Variants in SRF observed in about 807,000 individuals in gnomAD.
SRF encodes c-fos serum response element-binding transcription factor.
In SRF, 7 loss-of-function variants were observed where a neutral mutation model predicts 37.1. The ratio of observed to expected loss-of-function variants is 0.19; its 90% CI spans 0.11 to 0.35. SRF has a LOEUF of 0.35. Ranked by LOEUF, SRF falls within the 10% of genes least tolerant of loss-of-function variation. SRF has a pLI of 1.00. For missense variants in SRF, 395 were observed against 694.4 expected (o/e 0.57, Z 4.85); for synonymous variants, 285 against 310.1 (o/e 0.92, Z 0.85).
Position 43,176,544 on chromosome 6 carries a change from G to A in SRF, c.1043-4G>A. On this transcript the variant is annotated splice_region_variant and splice_polypyrimidine_tract_variant and intron_variant, in intron 3 of 6. Coordinates refer to ENST00000265354, the MANE Select transcript of SRF (RefSeq NM_003131.4). This position sits in a 1 kb window ranked among gnomAD's most constrained non-coding sequence, Gnocchi z 4.0. ...GAGCACAAATAAGACTCTGTGTCTT[G>A]CAGGTGGGGCAGTGGCCCAGCAGGT... 6.2e-7 allele frequency: 1 copy of A among 1,614,052 alleles called. No homozygotes were observed. The highest frequency in any genetic ancestry group is 8.5e-7 in the Non-Finnish European group (1 of 1,179,964).
At position 43,176,057 on chromosome 6, in the gene SRF, T is replaced by C; in HGVS notation, c.1042+90T>C. 1 of 1,514,724 alleles carries C rather than the reference T, an allele frequency of 6.6e-7. No homozygotes were observed. The highest frequency in any genetic ancestry group is 8.9e-7 in the Non-Finnish European group (1 of 1,127,432). The allele number at this position is 1,514,724 out of a possible 1,614,324, so 93.8% of individuals were successfully genotyped here. A position where few individuals can be genotyped will look rare whatever the true frequency, so the allele number is the denominator to read the frequency against. On this transcript the variant is annotated intron_variant, in intron 3 of 6. Transcript: ENST00000265354. This position sits in a 1 kb window ranked among gnomAD's most constrained non-coding sequence, Gnocchi z 4.0. ...GTTTAGGGCTGGCACCAAGAGAACC[T>C]CTTTCCCTGCTCAGAAGGAAGGTGA...
In SRF at chr6:43,172,283, G is replaced by T. The variant is rs1232191220; in HGVS notation, c.513+114G>T. The stretch of plus-strand genomic sequence containing the variant: ...GAGGTGAGAGGCTGCGAGTCCGCAG[G>T]AGGTGTGTGGGAGGGGATGGCTCCT... On this transcript the variant is annotated intron_variant, in intron 1 of 6. Transcript: ENST00000265354. This position sits in a 1 kb window ranked among gnomAD's most constrained non-coding sequence, Gnocchi z 5.7. The T allele has an allele frequency of 7.5e-6, 11 of 1,474,284 alleles. No homozygotes were observed. The highest frequency in any genetic ancestry group is 9.9e-6 in the Non-Finnish European group (11 of 1,115,316). 91.3% of individuals were successfully genotyped at this position (1,474,284 alleles called of 1,614,324 possible). A position where few individuals can be genotyped will look rare whatever the true frequency, so the allele number is the denominator to read the frequency against.
Position 43,171,731 on chromosome 6 carries a change from C to G in SRF, c.75C>G (p.Thr25=). 1 of 1,203,272 alleles carries G rather than the reference C, an allele frequency of 8.3e-7. No homozygotes were observed. The allele number at this position is 1,203,272 out of a possible 1,614,324, so 74.5% of individuals were successfully genotyped here. A position where few individuals can be genotyped will look rare whatever the true frequency, so the allele number is the denominator to read the frequency against. ...CCCTGGGGGGCAGCCTGAACCGGAC[C>G]CCGACGGGGCGGCCGGGCGGCGGCG... The part of the protein sequence containing the change: ...GSALGGSLNR[T]PTGRPGGGGG... Residue 25 remains threonine (T), a synonymous_variant, in exon 1 of 7, where the codon ACC becomes ACG. Transcript: ENST00000265354. This position sits in a 1 kb window ranked among gnomAD's most constrained non-coding sequence, Gnocchi z 6.5.
chr6:43,172,588 T>C lies in SRF; in HGVS notation c.513+419T>C, dbSNP rs1561999230. ...GGGAGCAAACGAGAAGGTATGGAGG[T>C]GAGGAGGCTGGAGCTGCATGACAAC... On this transcript the variant is annotated intron_variant, in intron 1 of 6. Transcript: ENST00000265354. The surrounding 1 kb of genome is among the most constrained non-coding windows in gnomAD (Gnocchi z 5.7). 1 of 402,508 alleles carries C rather than the reference T, an allele frequency of 2.5e-6. No homozygotes were observed. Among genetic ancestry groups the C allele is most frequent in the Admixed American group, 6.5e-5 (1 of 15,460 alleles). 24.9% of individuals were successfully genotyped at this position (402,508 alleles called of 1,614,324 possible).
rs1772255202 is a variant in SRF at position 43,178,996 on chromosome 6, CT to C, written c.1432-95del. On this transcript the variant is annotated intron_variant, in intron 6 of 6. Transcript: ENST00000265354. The surrounding 1 kb of genome is among the most constrained non-coding windows in gnomAD (Gnocchi z 4.3). ...AATCCCTAGCCTGGAAGCCCATCTG[CT>C]TTTCTGCTCAGGCCTGTGGTTGGCA... 1.9e-6 allele frequency: 3 copies of C among 1,569,770 alleles called. No homozygotes were observed. Among genetic ancestry groups the C allele is most frequent in the East Asian group, 4.5e-5 (2 of 44,588 alleles).
rs773271428 is a variant in SRF, at chr6:43,178,418, C to T, written c.1287C>T (p.Thr429=). The T allele has an allele frequency of 1.2e-5, 20 of 1,614,100 alleles. No homozygotes were observed. The East Asian group carries it at 2.7e-4, about 22-fold the overall frequency. Residue 429 remains threonine, a synonymous_variant, in exon 5 of 7, where the codon ACC becomes ACT. Coordinates refer to ENST00000265354, the MANE Select transcript of SRF (RefSeq NM_003131.4). The surrounding 1 kb of genome is among the most constrained non-coding windows in gnomAD (Gnocchi z 4.3). ...CGGGCCTGGGTGATGGCAGCCTCAC[C>T]GTGCTGAATGCCTTCTCCCAGGCAC... ...PTSGLGDGSL[T]VLNAFSQAPS...
Position 43,172,066 on chromosome 6 carries a change from GTAA to G in SRF, c.411_413del (p.Lys139del), listed in dbSNP as rs1290564677. 1 of 1,610,748 alleles carries G rather than the reference GTAA, an allele frequency of 6.2e-7. No homozygotes were observed. The highest frequency in any genetic ancestry group is 1.3e-5 in the African/African-American group (1 of 74,940). ...GGCGCGGTGAGCGGGGCCAAGCCGG[GTAA>G]GAAGACCCGGGGCCGCGTGAAGATC... On this transcript the variant is annotated inframe_deletion, in exon 1 of 7. Coordinates refer to ENST00000265354, the MANE Select transcript of SRF (RefSeq NM_003131.4). This position sits in a 1 kb window ranked among gnomAD's most constrained non-coding sequence, Gnocchi z 5.7.
Position 43,175,847 on chromosome 6 carries a change from G to T in SRF, c.922G>T (p.Ala308Ser). ...PITNYLAPVS[A>S]SVSPSAVSSA... is the part of the protein sequence containing the mutation. The stretch of plus-strand genomic sequence containing the variant: ...CACCAACTACCTGGCACCAGTGTCT[G>T]CTAGTGTCAGCCCCAGTGCTGTCAG... The change falls in exon 3 of 7, where the codon GCT becomes TCT. Residue 308 changes from alanine to serine, a missense_variant. By Grantham distance (99) the Ala-to-Ser change is moderately conservative. Coordinates refer to ENST00000265354, the MANE Select transcript of SRF (RefSeq NM_003131.4). 6.2e-7 allele frequency: 1 copy of T among 1,614,040 alleles called. No homozygotes were observed. The highest frequency in any genetic ancestry group is 2.2e-5 in the East Asian group (1 of 44,902).
In SRF at chr6:43,172,810, T is replaced by C. The variant is rs991765230; in HGVS notation, c.513+641T>C. Among the ~76,000 whole-genome samples the C allele has an allele frequency of 3.3e-5, 5 of 152,132 alleles. No individual in the cohort carries two copies. The highest frequency in any genetic ancestry group is 9.7e-5 in the African/African-American group (4 of 41,418). On this transcript the variant is annotated intron_variant, in intron 1 of 6. Transcript: ENST00000265354. The surrounding 1 kb of genome is among the most constrained non-coding windows in gnomAD (Gnocchi z 5.7). ...ACCACATGCTCCTGGCAGGACCCGC[T>C]GCAGAATCTCCTGCCGTTAGGACAA...
rs544658252 is a variant in SRF, at chr6:43,177,228, G to GTTTTTTTTTTTTTTTTTTTTTTTTTTTTT, written c.1162+578_1162+579insTTTTTTTTTTTTTTTTTTTTTTTTTTTTT. On this transcript the variant is annotated intron_variant, in intron 4 of 6. Transcript: ENST00000265354. ...CCCCAAACCTAGTGAATCGGAGTCT[G>GTTTTTTTTTTTTTTTTTTTTTTTTTTTTT]TTTTTTTTTTTTTTTTTGAGACGGA... Among the ~76,000 whole-genome samples, 3 of 116,848 alleles carry GTTTTTTTTTTTTTTTTTTTTTTTTTTTTT rather than the reference G, an allele frequency of 2.6e-5. 1 individual carries two copies. Among genetic ancestry groups the GTTTTTTTTTTTTTTTTTTTTTTTTTTTTT allele is most frequent in the African/African-American group, 1.1e-4 (3 of 26,164 alleles). The allele number at this position is 116,848 out of a possible 152,430, so 76.7% of individuals were successfully genotyped here. A position where few individuals can be genotyped will look rare whatever the true frequency, so the allele number is the denominator to read the frequency against.
chr6:43,175,786 C>T lies in SRF; in HGVS notation c.861C>T (p.Thr287=), dbSNP rs746688970. The T allele has an allele frequency of 6.2e-7, 1 of 1,614,242 alleles. No individual in the cohort carries two copies. Among genetic ancestry groups the T allele is most frequent in the Non-Finnish European group, 8.5e-7 (1 of 1,180,048 alleles). ...STIQTAPSTS[T]TMQVSSGPSF... is the part of the protein sequence containing the mutation. Reference sequence around the variant, plus strand: ...TCCAAACAGCACCTAGCACCTCTACCACCATGCAAGTCAGCAGCGGCCCCT... The same window carrying T: ...TCCAAACAGCACCTAGCACCTCTACTACCATGCAAGTCAGCAGCGGCCCCT... Residue 287 remains threonine, a synonymous_variant, in exon 3 of 7, where the codon ACC becomes ACT. Transcript: ENST00000265354.
intron 4 of SRF, among the ~76,000 whole-genome samples, chr6:43,177,787 C>T (rs1156877783): frequency 1.3e-5 from 2 of 151,204 alleles, no homozygotes; most frequent in Non-Finnish European, 2.9e-5. Context: ...TGATGGCAGG[C>T]ATCTGTAGTC....
Position 43,172,634 on chromosome 6 carries a change from AG to A in SRF, c.513+467del, listed in dbSNP as rs1296418515. Among the ~76,000 whole-genome samples, 1 of 152,166 alleles carries A rather than the reference AG, an allele frequency of 6.6e-6. No homozygotes were observed. The highest frequency in any genetic ancestry group is 6.5e-5 in the Admixed American group (1 of 15,276). On this transcript the variant is annotated intron_variant, in intron 1 of 6. Coordinates refer to ENST00000265354, the MANE Select transcript of SRF (RefSeq NM_003131.4). The surrounding 1 kb of genome is among the most constrained non-coding windows in gnomAD (Gnocchi z 5.7). Reference sequence around the variant, plus strand: ...ACAACAATGAGCGAACATGTGTGGGAGGAAGTGGGCACCACGAGAGTAGTGC... The same window carrying A: ...ACAACAATGAGCGAACATGTGTGGGAGAAGTGGGCACCACGAGAGTAGTGC...
In SRF at chr6:43,177,669, G is replaced by A. The variant is rs536688853; in HGVS notation, c.1163-625G>A. Among the ~76,000 whole-genome samples, 12 of 151,082 alleles carry A rather than the reference G, an allele frequency of 7.9e-5. No individual in the cohort carries two copies. In the East Asian group the frequency reaches 9.9e-4, roughly 12 times the overall value. ...GGTGGCTCACGTCTGTAATCCCAGC[G>A]CTTTGGGAGGCCGAGGGGGGCAGAT... On this transcript the variant is annotated intron_variant, in intron 4 of 6. Coordinates refer to ENST00000265354, the MANE Select transcript of SRF (RefSeq NM_003131.4).
Position 43,172,692 on chromosome 6 carries a change from G to A in SRF, c.513+523G>A, listed in dbSNP as rs1039409780. 3.3e-5 allele frequency among the ~76,000 whole-genome samples: 5 copies of A among 152,202 alleles called. No individual in the cohort carries two copies. Among genetic ancestry groups the A allele is most frequent in the African/African-American group, 4.8e-5 (2 of 41,442 alleles). The stretch of plus-strand genomic sequence containing the variant: ...GAAGGACAGGCAGGGTTAGGGACCA[G>A]GTAAGGGAGCGGGGCAGGAGAACTG... On this transcript the variant is annotated intron_variant, in intron 1 of 6. Coordinates refer to ENST00000265354, the MANE Select transcript of SRF (RefSeq NM_003131.4). This position sits in a 1 kb window ranked among gnomAD's most constrained non-coding sequence, Gnocchi z 5.7.
In SRF at chr6:43,176,051, A is replaced by T; in HGVS notation, c.1042+84A>T. The stretch of plus-strand genomic sequence containing the variant: ...GAGTGTGTTTAGGGCTGGCACCAAG[A>T]GAACCTCTTTCCCTGCTCAGAAGGA... On this transcript the variant is annotated intron_variant, in intron 3 of 6. Transcript: ENST00000265354. This position sits in a 1 kb window ranked among gnomAD's most constrained non-coding sequence, Gnocchi z 4.0. The T allele has an allele frequency of 6.5e-7, 1 of 1,534,344 alleles. No homozygotes were observed. Among genetic ancestry groups the T allele is most frequent in the Non-Finnish European group, 8.8e-7 (1 of 1,139,214 alleles).
intron 2 of SRF, among the ~76,000 whole-genome samples, chr6:43,174,588 G>A (rs1772163487): frequency 2.0e-5 from 3 of 152,236 alleles, no homozygotes; most frequent in Admixed American, 2.0e-4. Context: ...TGGGCAGTTA[G>A]GGAGCGCATT....
At position 43,171,713 on chromosome 6, in the gene SRF, G is replaced by C; in HGVS notation, c.57G>C (p.Gly19=). ...AAALGRGSAL[G]GSLNRTPTGR... is the part of the protein sequence containing the mutation. Reference sequence around the variant, plus strand: ...CTCTGGGCCGGGGCTCGGCCCTGGGGGGCAGCCTGAACCGGACCCCGACGG... The same window carrying C: ...CTCTGGGCCGGGGCTCGGCCCTGGGCGGCAGCCTGAACCGGACCCCGACGG... The change falls in exon 1 of 7, where the codon GGG becomes GGC. Residue 19 remains glycine (G), a synonymous_variant. Coordinates refer to ENST00000265354, the MANE Select transcript of SRF (RefSeq NM_003131.4). The surrounding 1 kb of genome is among the most constrained non-coding windows in gnomAD (Gnocchi z 6.5). 2.5e-6 allele frequency: 3 copies of C among 1,205,866 alleles called. No individual in the cohort carries two copies. Among genetic ancestry groups the C allele is most frequent in the Non-Finnish European group, 3.1e-6 (3 of 970,510 alleles). The allele number at this position is 1,205,866 out of a possible 1,614,324, so 74.7% of individuals were successfully genotyped here. A position where few individuals can be genotyped will look rare whatever the true frequency, so the allele number is the denominator to read the frequency against.
rs777958010 is a variant in SRF at position 43,178,536 on chromosome 6, C to T, written c.1354+51C>T. On this transcript the variant is annotated intron_variant, in intron 5 of 6. Transcript: ENST00000265354. This position sits in a 1 kb window ranked among gnomAD's most constrained non-coding sequence, Gnocchi z 4.3. ...AAGGAGGACCGTTTCCTTCTTTATACACACACACACACACACATACACACA... is the reference window on the plus strand; with the variant it reads ...AAGGAGGACCGTTTCCTTCTTTATATACACACACACACACACATACACACA... 1.5e-5 allele frequency: 14 copies of T among 906,412 alleles called. No individual in the cohort carries two copies. Among genetic ancestry groups the T allele is most frequent in the South Asian group, 4.5e-5 (2 of 44,776 alleles). The allele number at this position is 906,412 out of a possible 1,614,324, so 56.1% of individuals were successfully genotyped here.
Sources: gnomAD v4.1 joint callset for allele counts (sites outside exome capture counted in the v4.1 genomes callset) on GRCh38, gnomAD v4.1.1 for gene constraint, Gnocchi (gnomAD v3.1) non-coding constraint, MANE v1.5 for transcripts, NCBI Gene and HGNC (gene_info 2026-07-23, HGNC 2026-07-21) for gene names.